ANGPT2: variants seen among roughly 807,000 people sequenced by gnomAD.
ANGPT2 encodes angiopoietin-2.
Under a neutral mutation model 62.9 loss-of-function variants are expected in ANGPT2, and 28 were observed. That is an observed-to-expected ratio of 0.44 (90% confidence interval 0.33 to 0.61). ANGPT2 has a LOEUF of 0.61. Among genes scored for constraint, ANGPT2 ranks in the 20% least tolerant of loss-of-function variants. ANGPT2 has a pLI of 0.03. For missense variants in ANGPT2, 727 were observed against 594.9 expected, an observed-to-expected ratio of 1.22 and a Z score of -2.31; for synonymous variants, 284 against 207.8, an observed-to-expected ratio of 1.37 and a Z score of -3.15.
chr8:6,527,461 A>G (rs1818542918), intron 3 of ANGPT2, 94 bp downstream of exon 3: 1 of 1,477,144 alleles, frequency 6.8e-7, no homozygotes, highest in Non-Finnish European at 9.2e-7. Flanking sequence ...GACATGAAGA[A>G]ACTCACCATT....
chr8:6,561,980 C>T (rs1045383814), intron 1 of ANGPT2, among the ~76,000 whole-genome samples: 2 of 152,160 alleles, frequency 1.3e-5, no homozygotes, highest in Non-Finnish European at 2.9e-5. Flanking sequence ...GCACCGGTTG[C>T]TGGAACTGAC....
chr8:6,553,529 C>T (rs1194460229), intron 1 of ANGPT2, among the ~76,000 whole-genome samples: 2 of 152,104 alleles, frequency 1.3e-5, no homozygotes, highest in Admixed American at 1.3e-4. Flanking sequence ...TGATCATGTC[C>T]AAGATACCTC....
At chr8:6,516,097 G>C (rs1034334950) in intron 5 of ANGPT2, among the ~76,000 whole-genome samples, 6 of 152,186 alleles carry the variant, frequency 3.9e-5, no homozygotes, top group African/African-American at 1.4e-4. Flanking sequence ...TGGCACTCAT[G>C]TTTGGAAACA....
intron 1 of ANGPT2, among the ~76,000 whole-genome samples, chr8:6,556,094 C>T (rs1384225163): frequency 6.6e-6 from 1 of 152,126 alleles, no homozygotes; most frequent in African/African-American, 2.4e-5. Context: ...GCGAGAATTG[C>T]TGCCAAGACT....
intron 1 of ANGPT2, among the ~76,000 whole-genome samples, chr8:6,553,398 G>C (rs1824015195): frequency 6.6e-6 from 1 of 152,130 alleles, no homozygotes; most frequent in Admixed American, 6.6e-5. Context: ...TCTTCTGATG[G>C]TTACATAGTT....
chr8:6,519,005 G>A (rs1463667566), intron 5 of ANGPT2, among the ~76,000 whole-genome samples: 1 of 152,132 alleles, frequency 6.6e-6, no homozygotes, highest in Non-Finnish European at 1.5e-5. Context: ...GAATGACTGA[G>A]GTAAGCTGTG....
At chr8:6,520,577 G>C (rs538059077) in intron 4 of ANGPT2, among the ~76,000 whole-genome samples, 4 of 152,156 alleles carry the variant, frequency 2.6e-5, no homozygotes, top group Non-Finnish European at 4.4e-5. Flanking sequence ...TGTATTTTTA[G>C]TAGAGACAGG....
At chr8:6,516,040 C>G (rs1322605874) in intron 5 of ANGPT2, among the ~76,000 whole-genome samples, 2 of 152,190 alleles carry the variant, frequency 1.3e-5, no homozygotes, top group African/African-American at 4.8e-5. Flanking sequence ...CAGCATGGTT[C>G]TGGTCTCTCT....
rs1319607077 is a variant in ANGPT2 at position 6,514,764 on chromosome 8, C to T, written c.942G>A (p.Met314Ile). Residue 314 changes from methionine (M) to isoleucine (I), a missense_variant, in exon 6 of 9, where the codon ATG becomes ATA. Physicochemically the swap from Met to Ile is conservative, Grantham distance 10. Transcript: ENST00000629816. ...TTGTCCACCCGCCTCCTCCAGCTTC[C>T]ATGTCACAGTAGGCCTGCAAACAGG... Reference protein sequence around the residue: ...STEEIKAYCDMEAGGGGWTII... With the variant: ...STEEIKAYCDIEAGGGGWTII... 1 of 1,614,046 alleles carries T rather than the reference C, an allele frequency of 6.2e-7. No individual in the cohort carries two copies. The highest frequency in any genetic ancestry group is 8.5e-7 in the Non-Finnish European group (1 of 1,180,002).
At chr8:6,544,293 C>T (rs1279574021) in intron 1 of ANGPT2, among the ~76,000 whole-genome samples, 2 of 152,144 alleles carry the variant, frequency 1.3e-5, no homozygotes, top group East Asian at 3.9e-4. Context: ...CTGTGGCCAG[C>T]AGTCCAGCAA....
At chr8:6,556,582 C>T (rs753114924) in intron 1 of ANGPT2, among the ~76,000 whole-genome samples, 5 of 152,038 alleles carry the variant, frequency 3.3e-5, no homozygotes, top group Non-Finnish European at 7.4e-5. Context: ...AGCATAGTGT[C>T]CCCCTGGGGC....
intron 3 of ANGPT2, among the ~76,000 whole-genome samples, chr8:6,523,474 T>C (rs1817740196): frequency 6.6e-6 from 1 of 152,218 alleles, no homozygotes; most frequent in Non-Finnish European, 1.5e-5. Context: ...TCCTGTCCAT[T>C]AAGCCAGAGG....
chr8:6,536,976 A>G (rs1213587614), intron 1 of ANGPT2, among the ~76,000 whole-genome samples: 2 of 151,518 alleles, frequency 1.3e-5, no homozygotes, highest in African/African-American at 4.8e-5. Context: ...GTACAAGAAA[A>G]AAAAAAAAAA....
chr8:6,520,061 C>T, intron 4 of ANGPT2, 70 bp from the exon 5 acceptor site: 1 of 1,557,256 alleles, frequency 6.4e-7, no homozygotes, highest in Admixed American at 1.8e-5. Context: ...ATTTCAAGAG[C>T]CAATCATTTG....
At position 6,532,453 on chromosome 8, in the gene ANGPT2, T is replaced by A; in HGVS notation, c.323A>T (p.Glu108Val). Residue 108 changes from glutamate to valine, a missense_variant, in exon 2 of 9, where the codon GAA becomes GTA. Glu to Val is a moderately radical substitution (Grantham distance 121). Coordinates refer to ENST00000629816, the MANE Select transcript of ANGPT2 (RefSeq NM_001118887.2). ...TGCATTCTGCTGTATCTCTACCATTTCTTTCTTCATGTTGTCCTGGATATA... is the reference window on the plus strand; with the variant it reads ...TGCATTCTGCTGTATCTCTACCATTACTTTCTTCATGTTGTCCTGGATATA... Reference protein sequence around the residue: ...ENYIQDNMKKEMVEIQQNAVQ... With the variant: ...ENYIQDNMKKVMVEIQQNAVQ... 1 of 1,614,044 alleles carries A rather than the reference T, an allele frequency of 6.2e-7. No homozygotes were observed.
At chr8:6,555,852 A>G (rs1824521475) in intron 1 of ANGPT2, among the ~76,000 whole-genome samples, 2 of 152,306 alleles carry the variant, frequency 1.3e-5, no homozygotes, top group African/African-American at 4.8e-5. Context: ...GGAATTTCTT[A>G]TCGTTCCTTT....
chr8:6,499,873 G>C lies in ANGPT2; in HGVS notation c.*3228C>G. ...GCAGGTGCTATGGTCTTTAGAATTG[G>C]GTCACTGGATTTCTGAGGAGCCGTT... On this transcript the variant is annotated 3_prime_UTR_variant, in exon 9 of 9. Transcript: ENST00000629816. 1 of 1,613,306 alleles carries C rather than the reference G, an allele frequency of 6.2e-7. No individual in the cohort carries two copies. The highest frequency in any genetic ancestry group is 8.5e-7 in the Non-Finnish European group (1 of 1,179,966).
At position 6,502,886 on chromosome 8, in the gene ANGPT2, T is replaced by A. The variant is rs1812468092; in HGVS notation, c.*215A>T. On this transcript the variant is annotated 3_prime_UTR_variant, in exon 9 of 9. Coordinates refer to ENST00000629816, the MANE Select transcript of ANGPT2 (RefSeq NM_001118887.2). The stretch of plus-strand genomic sequence containing the variant: ...GCATAGGTGTTCTGTCTAATCACAA[T>A]TATGGATGTTTAGGGTCTTGCTTTG... The A allele has an allele frequency of 5.5e-6, 3 of 546,144 alleles. No individual in the cohort carries two copies. The Admixed American group carries it at 1.0e-4, about 18-fold the overall frequency. The allele number at this position is 546,144 out of a possible 1,614,324, so 33.8% of individuals were successfully genotyped here.
Position 6,503,027 on chromosome 8 carries a change from G to A in ANGPT2, c.*74C>T, listed in dbSNP as rs1812503103. 6.4e-7 allele frequency: 1 copy of A among 1,564,832 alleles called. No homozygotes were observed. The highest frequency in any genetic ancestry group is 1.7e-5 in the Admixed American group (1 of 58,820). On this transcript the variant is annotated 3_prime_UTR_variant, in exon 9 of 9. Transcript: ENST00000629816. ...GTGGTGGAAGAGGACACAGTGCGCA[G>A]CCGTGACTTTCAGTGCACTGGGCTT...
Sources: allele counts gnomAD v4.1 joint callset (sites outside exome capture counted in the v4.1 genomes callset), GRCh38; gene constraint gnomAD v4.1.1; transcripts MANE v1.5; gene names NCBI Gene and HGNC (gene_info 2026-07-23, HGNC 2026-07-21).